The following CCDC3 variants were observed in gnomAD, a reference collection of about 807,000 sequenced individuals.
CCDC3 encodes the protein coiled-coil domain containing 3.
CCDC3 carries 24 observed loss-of-function variants against 21.4 expected under a neutral mutation model. That is an observed-to-expected ratio of 1.12 (90% CI 0.81 to 1.58). CCDC3 has a LOEUF of 1.58. CCDC3 is among the 40% of genes most tolerant of loss of function. The pLI is 0.00. For missense variants in CCDC3, 425 were observed against 360.9 expected (o/e 1.18, Z -1.44); for synonymous variants, 186 against 166.0 (o/e 1.12, Z -0.93).
At chr10:12,912,600 A>C (rs1834287284) in intron 2 of CCDC3, among the ~76,000 whole-genome samples, 1 of 152,038 alleles carries the variant, frequency 6.6e-6, no homozygotes, top group Non-Finnish European at 1.5e-5. Context: ...TCTGCTGGAC[A>C]GGAGCTTTTT....
chr10:13,097,035 A>G (rs1406601168), intron 3 of CCDC3, among the ~76,000 whole-genome samples: 1 of 152,234 alleles, frequency 6.6e-6, no homozygotes, highest in East Asian at 1.9e-4. Context: ...TCCTGAAGGT[A>G]GGAAGCCCAA....
At chr10:13,081,661 G>A (rs1288322429) in intron 3 of CCDC3, among the ~76,000 whole-genome samples, 1 of 152,084 alleles carries the variant, frequency 6.6e-6, no homozygotes, top group Non-Finnish European at 1.5e-5. Context: ...TACTTTTAAT[G>A]CCTGTTTAGT....
intron 4 of CCDC3, among the ~76,000 whole-genome samples, chr10:13,067,998 A>AT (rs1356989671): frequency 6.6e-6 from 1 of 151,870 alleles, no homozygotes; most frequent in African/African-American, 2.4e-5. Flanking sequence ...ATTTTTCTCC[A>AT]TTTTGCCTTG....
chr10:13,077,994 C>CATT lies in CCDC3; in HGVS notation c.-502-3895_-502-3894insAAT, dbSNP rs1836986798. Among the ~76,000 whole-genome samples the CATT allele has an allele frequency of 2.0e-5, 3 of 152,296 alleles. No individual in the cohort carries two copies. In the South Asian group the frequency reaches 6.2e-4, roughly 32 times the overall value. On this transcript the variant is annotated intron_variant, in intron 3 of 6. Coordinates refer to the CCDC3 transcript ENST00000378839. ...ACACCAAAAGCAATGGCAACAAAAG[C>CATT]TGAAATAGACAAATGGGATCTAATT... is the stretch of plus-strand genomic sequence containing the variant.
chr10:13,022,756 A>G (rs936449687), intron 5 of CCDC3, among the ~76,000 whole-genome samples: 1 of 152,238 alleles, frequency 6.6e-6, no homozygotes, highest in African/African-American at 2.4e-5. Flanking sequence ...TCCTTTCAAG[A>G]TATTAGTATC....
intron 3 of CCDC3, among the ~76,000 whole-genome samples, chr10:13,084,291 T>TC (rs1286667902): frequency 1.1e-4 from 16 of 150,990 alleles, no homozygotes; most frequent in African/African-American, 3.4e-4. Flanking sequence ...TCTTTTCTTT[T>TC]TTTTTTTTTT....
chr10:12,993,697 TCCC>T (rs1316481622), intron 2 of CCDC3, among the ~76,000 whole-genome samples: 1 of 151,978 alleles, frequency 6.6e-6, no homozygotes, highest in African/African-American at 2.4e-5. Context: ...GCCAAAGATA[TCCC>T]CCCAAGTCCT....
Position 13,069,784 on chromosome 10 carries a change from A to G in CCDC3, c.-270+4084T>C, listed in dbSNP as rs138133334. 4.2e-4 allele frequency among the ~76,000 whole-genome samples: 64 copies of G among 152,372 alleles called. No homozygotes were observed. The East Asian group carries it at 0.012, about 28-fold the overall frequency. ...TTCTAATGTCTGAGTATACGCTATC[A>G]ATCATAATTAAGGTTATTAAGTTAT... On this transcript the variant is annotated intron_variant, in intron 4 of 6. Transcript: ENST00000378839.
chr10:12,985,353 G>A (rs1350432705), intron 2 of CCDC3, among the ~76,000 whole-genome samples: 11 of 152,086 alleles, frequency 7.2e-5, no homozygotes, highest in Admixed American at 2.0e-4. Context: ...AGGACCTTTG[G>A]AAAATTAATT....
chr10:12,912,110 T>C (rs1366488323), intron 2 of CCDC3, among the ~76,000 whole-genome samples: 1 of 152,218 alleles, frequency 6.6e-6, no homozygotes, highest in Non-Finnish European at 1.5e-5. Context: ...AACATGGGAG[T>C]GTAGATATCT....
intron 2 of CCDC3, among the ~76,000 whole-genome samples, chr10:12,985,230 C>G (rs1390297854): frequency 6.6e-6 from 1 of 152,142 alleles, no homozygotes; most frequent in African/African-American, 2.4e-5. Flanking sequence ...AATGAGATAG[C>G]ACTGCACACC....
intron 2 of CCDC3, among the ~76,000 whole-genome samples, chr10:12,984,994 A>G (rs983488256): frequency 1.3e-5 from 2 of 152,222 alleles, no homozygotes; most frequent in Admixed American, 1.3e-4. Context: ...GGTTACACAT[A>G]TATGTGGATA....
intron 5 of CCDC3, among the ~76,000 whole-genome samples, chr10:13,028,160 G>T (rs1019463273): frequency 1.3e-5 from 2 of 152,206 alleles, no homozygotes; most frequent in African/African-American, 4.8e-5. Context: ...GAGGGACCCA[G>T]TGGGAGGTAA....
chr10:13,093,240 G>GC (rs1414081060), intron 3 of CCDC3, among the ~76,000 whole-genome samples: 3 of 152,108 alleles, frequency 2.0e-5, no homozygotes, highest in Admixed American at 1.3e-4. Context: ...AAGGCGAAAA[G>GC]CACATCTTAC....
chr10:13,044,205 TTG>T (rs1440548660), intron 5 of CCDC3, among the ~76,000 whole-genome samples: 3 of 152,212 alleles, frequency 2.0e-5, no homozygotes, highest in African/African-American at 7.2e-5. Context: ...AATAAGGTTA[TTG>T]TTTCTTGCTT....
chr10:12,987,275 C>T (rs1835609729), intron 2 of CCDC3, among the ~76,000 whole-genome samples: 1 of 152,138 alleles, frequency 6.6e-6, no homozygotes, highest in African/African-American at 2.4e-5. Flanking sequence ...CTAATTCTTC[C>T]ACTACATTCT....
At chr10:12,944,032 G>A (rs1020835145) in intron 2 of CCDC3, among the ~76,000 whole-genome samples, 16 of 152,088 alleles carry the variant, frequency 1.1e-4, no homozygotes, top group Admixed American at 4.6e-4. Flanking sequence ...ATTAAAACAG[G>A]GATCTTAAGA....
At chr10:12,905,618 A>G (rs1834159207) in intron 2 of CCDC3, among the ~76,000 whole-genome samples, 1 of 152,186 alleles carries the variant, frequency 6.6e-6, no homozygotes, top group Non-Finnish European at 1.5e-5. Flanking sequence ...GTCATGGTTC[A>G]AGGTCTCCAC....
intron 3 of CCDC3, among the ~76,000 whole-genome samples, chr10:13,096,987 G>A (rs1386444066): frequency 1.3e-5 from 2 of 152,208 alleles, no homozygotes; most frequent in African/African-American, 4.8e-5. Context: ...AAGAAAGGCT[G>A]TACTTCTAAG....
Sources: gnomAD v4.1 joint callset for allele counts (sites outside exome capture counted in the v4.1 genomes callset) on GRCh38, gnomAD v4.1.1 for gene constraint, MANE v1.5 for transcripts, NCBI Gene and HGNC (gene_info 2026-07-23, HGNC 2026-07-21) for gene names.